NEMP2: variants seen among roughly 807,000 people sequenced by gnomAD.
The protein encoded by NEMP2 is UPF0571 transmembrane protein.
Under a neutral mutation model 54.2 loss-of-function variants are expected in NEMP2, and 53 were observed. The observed-to-expected ratio is 0.98, with a 90% CI of 0.78 to 1.23. NEMP2 has a LOEUF of 1.23. Among genes scored for constraint, NEMP2 ranks in the 50% most tolerant of loss-of-function variants. NEMP2 has a pLI of 0.00. For synonymous variants in NEMP2, 197 were observed against 190.3 expected (o/e 1.04, Z -0.29); for missense variants, 455 against 511.3 (o/e 0.89, Z 1.06).
At chr2:190,449,690 A>C in the NEMP2 span, among the ~76,000 whole-genome samples, 3 of 152,140 alleles carry the variant, frequency 2.0e-5, no homozygotes, top group African/African-American at 4.8e-5. Context: ...AGCCATAAAA[A>C]ATGATGAGTT....
the NEMP2 span, among the ~76,000 whole-genome samples, chr2:190,432,425 TG>T: frequency 2.0e-5 from 3 of 152,184 alleles, no homozygotes; most frequent in Non-Finnish European, 4.4e-5. Flanking sequence ...TGTTTGTTTT[TG>T]TTTTTTGAGA....
At chr2:190,572,833 GTATA>G in the NEMP2 span, among the ~76,000 whole-genome samples, 495 of 47,836 alleles carry the variant, frequency 0.01, 10 homozygotes, top group African/African-American at 0.026. Context: ...CTTTTCATGA[GTATA>G]TATATATATA....
At chr2:190,629,930 C>G in the NEMP2 span, 1 of 152,188 alleles carries the variant, frequency 6.6e-6, no homozygotes, top group Non-Finnish European at 1.5e-5. Flanking sequence ...AACATGGCTT[C>G]GCCAGTACAA....
chr2:190,497,292 G>T, the NEMP2 span: 1 of 836,610 alleles, frequency 1.2e-6, no homozygotes. The surrounding 1 kb of genome is among the most constrained non-coding windows in gnomAD (Gnocchi z 5.2). Context: ...ACCAAGTAAT[G>T]AAGTCATTGG....
chr2:190,638,774 A>G, the NEMP2 span, among the ~76,000 whole-genome samples: 1 of 152,162 alleles, frequency 6.6e-6, no homozygotes, highest in African/African-American at 2.4e-5. This position sits in a 1 kb window ranked among gnomAD's most constrained non-coding sequence, Gnocchi z 5.7. Context: ...TTGCATCTGC[A>G]AAATGAAGAA....
rs891313067 is a variant in NEMP2, at chr2:190,530,604, T to C, written c.97+3955A>G. On this transcript the variant is annotated intron_variant, in intron 1 of 8. Transcript: ENST00000409150. The surrounding 1 kb of genome is among the most constrained non-coding windows in gnomAD (Gnocchi z 4.6). ...AATCTTAGATTGATTATAAAGGCTG[T>C]ATCTTTCTTAGGTCTCTCCTCCCTT... Among the ~76,000 whole-genome samples, 1 of 152,208 alleles carries C rather than the reference T, an allele frequency of 6.6e-6. No individual in the cohort carries two copies. The highest frequency in any genetic ancestry group is 1.5e-5 in the Non-Finnish European group (1 of 68,042).
chr2:190,581,824 T>A, the NEMP2 span, among the ~76,000 whole-genome samples: 1 of 151,960 alleles, frequency 6.6e-6, no homozygotes, highest in African/African-American at 2.4e-5. Context: ...TTTATATTGG[T>A]TCCCAAGAGA....
the NEMP2 span, chr2:190,627,826 A>T: frequency 6.6e-6 from 1 of 152,368 alleles, no homozygotes; most frequent in Admixed American, 6.5e-5. The surrounding 1 kb of genome is among the most constrained non-coding windows in gnomAD (Gnocchi z 4.4). Context: ...AAAATAATAA[A>T]GTTATGTGTT....
chr2:190,517,537 T>C lies in NEMP2; in HGVS notation c.595A>G (p.Lys199Glu). ...ATGCCTACCTTCGGAATGAATCTTT[T>C]CACCAACAGCAAGACAAAGACTAAT... Reference protein sequence around the residue: ...MTLVFVLLLVKRFIPKYSTFW... With the variant: ...MTLVFVLLLVERFIPKYSTFW... The change falls in exon 5 of 9, where the codon AAA becomes GAA. Residue 199 changes from lysine to glutamate, a missense_variant. By Grantham distance (56) the Lys-to-Glu change is moderately conservative. This residue lies in a region of NEMP2 where 294 missense variants were observed against 333.6 expected (regional missense o/e 0.88). Transcript: ENST00000409150. The C allele has an allele frequency of 1.3e-6, 2 of 1,549,926 alleles. No individual in the cohort carries two copies. The highest frequency in any genetic ancestry group is 1.7e-6 in the Non-Finnish European group (2 of 1,146,314).
chr2:190,466,580 T>G, the NEMP2 span, among the ~76,000 whole-genome samples: 2 of 152,228 alleles, frequency 1.3e-5, no homozygotes, highest in South Asian at 4.1e-4. Flanking sequence ...ATGATGATGA[T>G]GATGATGAAT....
chr2:190,546,842 G>C, the NEMP2 span, among the ~76,000 whole-genome samples: 3 of 152,194 alleles, frequency 2.0e-5, no homozygotes, highest in Non-Finnish European at 4.4e-5. This position sits in a 1 kb window ranked among gnomAD's most constrained non-coding sequence, Gnocchi z 5.1. Flanking sequence ...TGTGTGCACG[G>C]AAGTCTCAAA....
Position 190,523,043 on chromosome 2 carries a change from C to T in NEMP2, c.213+2220G>A, listed in dbSNP as rs943040538. On this transcript the variant is annotated intron_variant, in intron 2 of 8. Transcript: ENST00000409150. This position sits in a 1 kb window ranked among gnomAD's most constrained non-coding sequence, Gnocchi z 5.3. The stretch of plus-strand genomic sequence containing the variant: ...CAGGCCATTGGTCACTCATATTTGG[C>T]TCAGAATAAATCTCTTCAAATATTT... Among the ~76,000 whole-genome samples, 1 of 152,076 alleles carries T rather than the reference C, an allele frequency of 6.6e-6. No individual in the cohort carries two copies. The highest frequency in any genetic ancestry group is 2.1e-4 in the South Asian group (1 of 4,824).
the NEMP2 span, among the ~76,000 whole-genome samples, chr2:190,559,696 G>A: frequency 1.2e-4 from 18 of 152,192 alleles, no homozygotes; most frequent in Non-Finnish European, 2.4e-4. The surrounding 1 kb of genome is among the most constrained non-coding windows in gnomAD (Gnocchi z 4.0). Context: ...CTCAGAGTTA[G>A]CAACAAAAAG....
chr2:190,449,579 G>C, the NEMP2 span, among the ~76,000 whole-genome samples: 2 of 152,046 alleles, frequency 1.3e-5, no homozygotes, highest in African/African-American at 4.8e-5. Flanking sequence ...TGTTTATTGC[G>C]GCACTATTCA....
chr2:190,592,751 T>C, the NEMP2 span, among the ~76,000 whole-genome samples: 1,494 of 152,308 alleles, frequency 9.8e-3, 65 homozygotes, highest in Admixed American at 0.077. The surrounding 1 kb of genome is among the most constrained non-coding windows in gnomAD (Gnocchi z 4.4). Context: ...CAGATGAGAA[T>C]AGTTGGCTGT....
the NEMP2 span, among the ~76,000 whole-genome samples, chr2:190,640,053 T>C: frequency 6.6e-6 from 1 of 152,218 alleles, no homozygotes; most frequent in Non-Finnish European, 1.5e-5. Context: ...TTTCCTTCCA[T>C]GTTTATTTAG....
chr2:190,609,677 C>T, the NEMP2 span: 1 of 152,106 alleles, frequency 6.6e-6, no homozygotes, highest in Non-Finnish European at 1.5e-5. The surrounding 1 kb of genome is among the most constrained non-coding windows in gnomAD (Gnocchi z 4.7). Context: ...TTAGTGAGAC[C>T]TGGCCTGCCA....
chr2:190,490,085 TTTTG>T, the NEMP2 span, among the ~76,000 whole-genome samples: 123 of 142,678 alleles, frequency 8.6e-4, no homozygotes, highest in Non-Finnish European at 1.5e-3. This position sits in a 1 kb window ranked among gnomAD's most constrained non-coding sequence, Gnocchi z 4.5. Context: ...TTTTCTTGTT[TTTTG>T]TTTGTTTGTT....
the NEMP2 span, among the ~76,000 whole-genome samples, chr2:190,427,486 T>C: frequency 6.6e-6 from 1 of 152,266 alleles, no homozygotes; most frequent in Non-Finnish European, 1.5e-5. Flanking sequence ...AGCAGGCACT[T>C]GTTAGGGCTT....
Sources: allele counts gnomAD v4.1 joint callset (sites outside exome capture counted in the v4.1 genomes callset), GRCh38; gene constraint gnomAD v4.1.1; regional missense constraint gnomAD v4.1.1; non-coding constraint Gnocchi (gnomAD v3.1); transcripts MANE v1.5; gene names NCBI Gene and HGNC (gene_info 2026-07-23, HGNC 2026-07-21).